The following MSANTD1 variants were observed in gnomAD, a reference collection of about 807,000 sequenced individuals.
MSANTD1 encodes myb/SANT-like DNA-binding domain-containing protein 1.
A neutral mutation model predicts 24.2 loss-of-function variants in MSANTD1; 7 were observed. The ratio of observed to expected loss-of-function variants is 0.29; its 90% CI spans 0.16 to 0.54. MSANTD1 has a LOEUF of 0.54. Among genes scored for constraint, MSANTD1 ranks in the 20% least tolerant of loss-of-function variants. The probability of loss-of-function intolerance (pLI) is 0.94; values close to 1 mark genes in which losing one functional copy is unlikely to be tolerated. For synonymous variants in MSANTD1, 177 were observed against 181.1 expected (o/e 0.98, Z 0.18); for missense variants, 384 against 408.2 (o/e 0.94, Z 0.51).
At chr4:3,246,295 G>A (rs1722024987), upstream of MSANTD1, among the ~76,000 whole-genome samples, 1 of 152,196 alleles carries the variant, frequency 6.6e-6, no homozygotes, top group Non-Finnish European at 1.5e-5. Flanking sequence ...TGCTGCTCCT[G>A]GAAGGTGCCC....
intron 1 of MSANTD1, among the ~76,000 whole-genome samples, chr4:3,252,593 C>T (rs1722260347): frequency 6.6e-6 from 1 of 152,178 alleles, no homozygotes; most frequent in Non-Finnish European, 1.5e-5. Context: ...TTGATCATCA[C>T]TATGTCATTG....
intron 2 of MSANTD1, among the ~76,000 whole-genome samples, chr4:3,254,892 G>A (rs1288163227): frequency 6.6e-6 from 1 of 152,202 alleles, no homozygotes; most frequent in African/African-American, 2.4e-5. Context: ...TTCCTTCTGG[G>A]ACCTCAGTTT....
upstream of MSANTD1, among the ~76,000 whole-genome samples, chr4:3,245,991 C>T (rs1461132776): frequency 1.3e-5 from 2 of 152,178 alleles, no homozygotes; most frequent in Non-Finnish European, 2.9e-5. Flanking sequence ...CATGCTTGGT[C>T]AGGCAGCTAC....
intron 1 of MSANTD1, among the ~76,000 whole-genome samples, chr4:3,251,487 C>T (rs1441997447): frequency 6.6e-6 from 1 of 152,092 alleles, no homozygotes; most frequent in African/African-American, 2.4e-5. Context: ...GCTGATGAAG[C>T]ACTTCCACAC....
chr4:3,253,081 G>C, intron 1 of MSANTD1, 126 bp from the exon 2 acceptor site: 1 of 960,930 alleles, frequency 1.0e-6, no homozygotes, highest in Non-Finnish European at 1.5e-6. Context: ...TTGCTGGGGA[G>C]GCCCTTGCCA....
chr4:3,251,681 T>G (rs939031508), intron 1 of MSANTD1, among the ~76,000 whole-genome samples: 10 of 149,116 alleles, frequency 6.7e-5, no homozygotes, highest in African/African-American at 2.6e-4. Flanking sequence ...CTTTTCTTTT[T>G]TTTTTCTTTT....
At chr4:3,252,802 A>G (rs545721452) in intron 1 of MSANTD1, among the ~76,000 whole-genome samples, 2 of 152,354 alleles carry the variant, frequency 1.3e-5, no homozygotes, top group East Asian at 3.9e-4. Flanking sequence ...TATATATCTT[A>G]TAATACCTTA....
intron 2 of MSANTD1, among the ~76,000 whole-genome samples, chr4:3,253,861 C>G (rs191179267): frequency 6.6e-6 from 1 of 152,238 alleles, no homozygotes; most frequent in Non-Finnish European, 1.5e-5. Context: ...CCCCAGAATG[C>G]GCCCCCTGGC....
At chr4:3,255,468 CCT>C (rs1388561248) in intron 2 of MSANTD1, among the ~76,000 whole-genome samples, 2 of 152,218 alleles carry the variant, frequency 1.3e-5, no homozygotes, top group Non-Finnish European at 2.9e-5. Context: ...AGGTGATCCA[CCT>C]GCCTCTGCCT....
Position 3,256,223 on chromosome 4 carries a change from A to G in MSANTD1, c.*258A>G, listed in dbSNP as rs1380929874. ...GGGCCTCTGGGGTTCACTCCGAGTA[A>G]GAACGTCCTAGAGCCACTCTCCAGT... On this transcript the variant is annotated 3_prime_UTR_variant, in exon 3 of 3. Coordinates refer to ENST00000438480, the MANE Select transcript of MSANTD1 (RefSeq NM_001042690.2). The G allele has an allele frequency of 7.5e-6, 3 of 400,748 alleles. No individual in the cohort carries two copies. The highest frequency in any genetic ancestry group is 4.2e-5 in the African/African-American group (2 of 47,400). 24.8% of individuals were successfully genotyped at this position (400,748 alleles called of 1,614,324 possible).
intron 2 of MSANTD1, among the ~76,000 whole-genome samples, chr4:3,254,728 C>T (rs937960882): frequency 6.6e-6 from 1 of 152,368 alleles, no homozygotes; most frequent in African/African-American, 2.4e-5. Context: ...CCTTTACTCA[C>T]CACCTCTACC....
At position 3,256,319 on chromosome 4, in the gene MSANTD1, G is replaced by A. The variant is rs976457623; in HGVS notation, c.*354G>A. 6 of 166,164 alleles carry A rather than the reference G, an allele frequency of 3.6e-5. No individual in the cohort carries two copies. The highest frequency in any genetic ancestry group is 5.2e-5 in the Non-Finnish European group (4 of 77,450). The allele number at this position is 166,164 out of a possible 1,614,324, so 10.3% of individuals were successfully genotyped here. A position where few individuals can be genotyped will look rare whatever the true frequency, so the allele number is the denominator to read the frequency against. ...ATACTTTTTCATTCTTGCCTGGAAC[G>A]CACAGTTTGCTGTTGCTGGCTTGGT... On this transcript the variant is annotated 3_prime_UTR_variant, in exon 3 of 3. Transcript: ENST00000438480.
rs767714819 is a variant in MSANTD1 at position 3,253,241 on chromosome 4, C to G, written c.355C>G (p.Pro119Ala). The change falls in exon 2 of 3, where the codon CCG (proline) becomes GCG (alanine). Residue 119 changes from proline to alanine, a missense_variant. Transcript: ENST00000438480. ...LKCMTDSESA[P>A]PDWPYYLAID... ...ATGCATGACAGATAGCGAGTCCGCC[C>G]CGCCCGACTGGCCCTATTACCTAGC... The G allele has an allele frequency of 1.3e-6, 2 of 1,584,012 alleles. No homozygotes were observed. Among genetic ancestry groups the G allele is most frequent in the South Asian group, 2.3e-5 (2 of 86,872 alleles).
At chr4:3,249,073 C>A, upstream of MSANTD1, 1 of 614,414 alleles carries the variant, frequency 1.6e-6, no homozygotes, top group Non-Finnish European at 2.5e-6. Context: ...GTTGTTGTAG[C>A]TTATGCAGTT....
intron 1 of MSANTD1, among the ~76,000 whole-genome samples, chr4:3,250,961 T>G (rs1722208245): frequency 6.6e-6 from 1 of 152,214 alleles, no homozygotes; most frequent in South Asian, 2.1e-4. Context: ...GTTGATTTGA[T>G]TTTTTCTGAG....
chr4:3,246,534 C>T, upstream of MSANTD1: 2 of 570,792 alleles, frequency 3.5e-6, no homozygotes, highest in Non-Finnish European at 3.1e-6. Flanking sequence ...GCCCATGTCC[C>T]AGGTCTGCAC....
chr4:3,247,034 G>A (rs1256913940), upstream of MSANTD1, among the ~76,000 whole-genome samples: 1 of 152,142 alleles, frequency 6.6e-6, no homozygotes, highest in Non-Finnish European at 1.5e-5. Context: ...CCCGGCAGTG[G>A]TGGTGGTGTC....
upstream of MSANTD1, chr4:3,246,762 G>A (rs1055112746): frequency 3.1e-6 from 2 of 640,804 alleles, no homozygotes; most frequent in African/African-American, 3.6e-5. Context: ...TGCCTGCCTG[G>A]TTCTTGTCCT....
upstream of MSANTD1, chr4:3,246,590 G>T (rs1334453599): frequency 1.2e-4 from 77 of 665,004 alleles, no homozygotes; most frequent in Non-Finnish European, 3.5e-5. Context: ...TCTCCCTCAG[G>T]TGCTGCTGGT....
Sources: allele counts gnomAD v4.1 joint callset (sites outside exome capture counted in the v4.1 genomes callset), GRCh38; gene constraint gnomAD v4.1.1; transcripts MANE v1.5; gene names NCBI Gene and HGNC (gene_info 2026-07-23, HGNC 2026-07-21).